ADK: variants seen among roughly 807,000 people sequenced by gnomAD.
ADK encodes N6,N6-dimethyladenosine kinase.
Under a neutral mutation model 44.7 loss-of-function variants are expected in ADK, and 24 were observed. That is an observed-to-expected ratio of 0.54 (90% CI 0.39 to 0.76). The LOEUF is 0.76. ADK is among the 30% of genes least tolerant of loss of function. The pLI is 0.00. For synonymous variants in ADK, 128 were observed against 142.6 expected (o/e 0.90, Z 0.73); for missense variants, 321 against 425.1 (o/e 0.76, Z 2.15).
intron 4 of ADK, among the ~76,000 whole-genome samples, chr10:74,333,790 AT>A (rs1308310164): frequency 6.6e-6 from 1 of 152,180 alleles, no homozygotes; most frequent in Non-Finnish European, 1.5e-5. Flanking sequence ...ATCTGAAAGT[AT>A]AATTAATTAA....
chr10:74,619,663 A>AT (rs775563027), intron 9 of ADK, among the ~76,000 whole-genome samples: 2 of 151,826 alleles, frequency 1.3e-5, no homozygotes, highest in Admixed American at 6.6e-5. Flanking sequence ...GTTTTTAAAG[A>AT]TTTTTTTTAA....
intron 1 of ADK, chr10:74,174,398 C>G (rs1378608011): frequency 6.7e-6 from 1 of 149,866 alleles, no homozygotes; most frequent in Non-Finnish European, 1.5e-5. Flanking sequence ...AACCAGATAC[C>G]TTTTGCTACC....
intron 4 of ADK, among the ~76,000 whole-genome samples, chr10:74,314,967 T>C (rs1473608015): frequency 6.6e-6 from 1 of 152,150 alleles, no homozygotes; most frequent in Admixed American, 6.5e-5. Context: ...TCATTTGTGT[T>C]TCTTCTTAAA....
chr10:74,348,844 G>A (rs1394773293), intron 4 of ADK, among the ~76,000 whole-genome samples: 1 of 151,354 alleles, frequency 6.6e-6, no homozygotes, highest in Non-Finnish European at 1.5e-5. Flanking sequence ...GAAATAAAGT[G>A]TGAAGACAAG....
chr10:74,197,051 A>G (rs1843180208), intron 1 of ADK, among the ~76,000 whole-genome samples: 2 of 152,150 alleles, frequency 1.3e-5, no homozygotes, highest in South Asian at 4.1e-4. Flanking sequence ...TATGTTCTGT[A>G]TCTGAGCATC....
At chr10:74,443,479 A>G (rs1328235973) in intron 6 of ADK, among the ~76,000 whole-genome samples, 1 of 152,176 alleles carries the variant, frequency 6.6e-6, no homozygotes, top group African/African-American at 2.4e-5. Context: ...TCATTCATGA[A>G]AAGTCTTAAA....
chr10:74,656,640 C>T (rs903648630), intron 9 of ADK, among the ~76,000 whole-genome samples: 9 of 152,154 alleles, frequency 5.9e-5, no homozygotes, highest in Admixed American at 5.9e-4. Flanking sequence ...AACTACCTAA[C>T]CTTTCTGAGC....
intron 1 of ADK, among the ~76,000 whole-genome samples, chr10:74,193,509 G>C (rs1843021738): frequency 6.6e-6 from 1 of 152,122 alleles, no homozygotes; most frequent in Non-Finnish European, 1.5e-5. Context: ...CTTGTGCTAG[G>C]CATGCTGGCT....
intron 3 of ADK, among the ~76,000 whole-genome samples, chr10:74,231,828 T>C (rs1844776790): frequency 6.6e-6 from 1 of 152,214 alleles, no homozygotes; most frequent in African/African-American, 2.4e-5. Context: ...GGTAACCTTT[T>C]CACTGTATTG....
rs1271228116 is a variant in ADK at position 74,348,189 on chromosome 10, G to C, written c.273+33444G>C. Among the ~76,000 whole-genome samples the C allele has an allele frequency of 3.9e-5, 6 of 152,314 alleles. No individual in the cohort carries two copies. In the East Asian group the frequency reaches 1.2e-3, roughly 29 times the overall value. On this transcript the variant is annotated intron_variant, in intron 4 of 10. Coordinates refer to ENST00000539909, the MANE Select transcript of ADK (RefSeq NM_006721.4). The stretch of plus-strand genomic sequence containing the variant: ...AGACACCTCAAACAGGAGAGCTCTG[G>C]CTGGCATCAGGCTGGTGCCCCTCTG...
At chr10:74,261,798 C>G (rs1260526115) in intron 3 of ADK, among the ~76,000 whole-genome samples, 1 of 151,444 alleles carries the variant, frequency 6.6e-6, no homozygotes, top group Non-Finnish European at 1.5e-5. Context: ...CCTCTTTCCT[C>G]CTGGTATTCT....
At chr10:74,199,990 T>C (rs1843313852) in intron 1 of ADK, among the ~76,000 whole-genome samples, 1 of 151,874 alleles carries the variant, frequency 6.6e-6, no homozygotes, top group Admixed American at 6.6e-5. Flanking sequence ...GAATGATTCA[T>C]TTTTCTTTGG....
intron 9 of ADK, among the ~76,000 whole-genome samples, chr10:74,665,016 A>G (rs1458731695): frequency 6.6e-6 from 1 of 152,226 alleles, no homozygotes; most frequent in Non-Finnish European, 1.5e-5. Context: ...CATCACTCTT[A>G]GGAAATACAC....
intron 9 of ADK, among the ~76,000 whole-genome samples, chr10:74,656,339 A>C (rs901545024): frequency 6.6e-6 from 1 of 152,206 alleles, no homozygotes; most frequent in Non-Finnish European, 1.5e-5. Context: ...AAGATGGTAC[A>C]TCCTTGCTGC....
intron 7 of ADK, chr10:74,527,970 G>GA: frequency 1.3e-6 from 1 of 792,458 alleles, no homozygotes; most frequent in Non-Finnish European, 2.2e-6. Flanking sequence ...CTGGTTATAA[G>GA]AAAAAATTAT....
intron 6 of ADK, among the ~76,000 whole-genome samples, chr10:74,515,569 G>A (rs909627180): frequency 5.9e-5 from 9 of 152,126 alleles, no homozygotes; most frequent in Admixed American, 2.6e-4. Flanking sequence ...GGCAGTCTGC[G>A]GGACTATCTC....
chr10:74,333,943 A>G (rs1320423414), intron 4 of ADK, among the ~76,000 whole-genome samples: 1 of 152,126 alleles, frequency 6.6e-6, no homozygotes, highest in African/African-American at 2.4e-5. Context: ...TAGAAAAGAA[A>G]TTCTTTTCAA....
intron 10 of ADK, among the ~76,000 whole-genome samples, chr10:74,689,494 C>T (rs1855909079): frequency 6.6e-6 from 1 of 152,166 alleles, no homozygotes; most frequent in Non-Finnish European, 1.5e-5. Flanking sequence ...TCCAGTAGAT[C>T]TCCAAGTTGA....
intron 4 of ADK, among the ~76,000 whole-genome samples, chr10:74,376,401 G>A (rs548723195): frequency 2.6e-5 from 4 of 151,510 alleles, no homozygotes; most frequent in Admixed American, 6.6e-5. Flanking sequence ...TTTTATTATC[G>A]AAAGTTTCAA....
Sources: allele counts gnomAD v4.1 joint callset (sites outside exome capture counted in the v4.1 genomes callset), GRCh38; gene constraint gnomAD v4.1.1; transcripts MANE v1.5; gene names NCBI Gene and HGNC (gene_info 2026-07-23, HGNC 2026-07-21).